The following HS3ST4 variants were observed in gnomAD, a reference collection of about 807,000 sequenced individuals.
HS3ST4 encodes heparan sulfate glucosamine 3-O-sulfotransferase 4.
A neutral mutation model predicts 29.2 loss-of-function variants in HS3ST4; 17 were observed. The ratio of observed to expected loss-of-function variants is 0.58; its 90% CI spans 0.40 to 0.87. HS3ST4 has a LOEUF of 0.87. HS3ST4 is among the 40% of genes least tolerant of loss of function. The probability of loss-of-function intolerance (pLI) is 0.00; values close to 1 mark genes in which losing one functional copy is unlikely to be tolerated. For missense variants in HS3ST4, 627 were observed against 634.5 expected (o/e 0.99, Z 0.13); for synonymous variants, 314 against 285.7 (o/e 1.10, Z -1.00).
intron 1 of HS3ST4, among the ~76,000 whole-genome samples, chr16:25,797,263 T>G (rs1966891829): frequency 6.6e-6 from 1 of 152,190 alleles, no homozygotes; most frequent in African/African-American, 2.4e-5. Context: ...TTCCCAAATA[T>G]TTCTATGTAT....
At chr16:25,805,861 C>T (rs1054366199) in intron 1 of HS3ST4, among the ~76,000 whole-genome samples, 10 of 152,048 alleles carry the variant, frequency 6.6e-5, no homozygotes, top group Non-Finnish European at 1.2e-4. Context: ...CCTCAGGACC[C>T]CACTCCCCGA....
intron 1 of HS3ST4, among the ~76,000 whole-genome samples, chr16:25,971,094 G>T (rs1968892611): frequency 6.6e-6 from 1 of 151,966 alleles, no homozygotes; most frequent in Non-Finnish European, 1.5e-5. Context: ...CAAGTGATTT[G>T]CCCACCTCGG....
intron 1 of HS3ST4, among the ~76,000 whole-genome samples, chr16:26,129,234 G>C (rs189520596): frequency 2.6e-5 from 4 of 152,356 alleles, no homozygotes; most frequent in Admixed American, 2.6e-4. Context: ...CCAGTGGCAA[G>C]TCAGGGATAG....
At chr16:25,845,062 G>A (rs976695189) in intron 1 of HS3ST4, among the ~76,000 whole-genome samples, 1 of 152,086 alleles carries the variant, frequency 6.6e-6, no homozygotes, top group African/African-American at 2.4e-5. Flanking sequence ...TGGGGTTGGG[G>A]AGGAAGAGCA....
chr16:25,931,843 C>T (rs2141687891), intron 1 of HS3ST4, among the ~76,000 whole-genome samples: 1 of 152,294 alleles, frequency 6.6e-6, no homozygotes, highest in South Asian at 2.1e-4. Context: ...GGGGGCTGCT[C>T]CTGCTATTCC....
At chr16:25,743,733 T>A (rs768331912) in intron 1 of HS3ST4, among the ~76,000 whole-genome samples, 7 of 152,188 alleles carry the variant, frequency 4.6e-5, no homozygotes, top group Non-Finnish European at 1.0e-4. Flanking sequence ...CTCGTACTCT[T>A]GGCCTCAAGT....
intron 1 of HS3ST4, among the ~76,000 whole-genome samples, chr16:25,837,330 G>A (rs1010434100): frequency 6.6e-6 from 1 of 152,250 alleles, no homozygotes; most frequent in South Asian, 2.1e-4. Context: ...TAGGCAAACC[G>A]GGATTATGTA....
At chr16:25,855,751 G>A (rs1034018055) in intron 1 of HS3ST4, among the ~76,000 whole-genome samples, 1 of 152,158 alleles carries the variant, frequency 6.6e-6, no homozygotes, top group African/African-American at 2.4e-5. Context: ...GTTTGTGTGT[G>A]TATGTTTAGT....
chr16:25,916,673 CTTTTTTTTT>C (rs34339195), intron 1 of HS3ST4, among the ~76,000 whole-genome samples: 5 of 92,162 alleles, frequency 5.4e-5, no homozygotes, highest in Non-Finnish European at 8.4e-5. Flanking sequence ...CAAATGCATT[CTTTTTTTTT>C]TTTTTTTTTT....
chr16:25,993,931 C>T (rs1450784168), intron 1 of HS3ST4, among the ~76,000 whole-genome samples: 1 of 147,488 alleles, frequency 6.8e-6, no homozygotes, highest in Non-Finnish European at 1.5e-5. Context: ...TTCCATCTTG[C>T]CTATGCTCAC....
At chr16:25,699,601 T>C (rs1188130351) in intron 1 of HS3ST4, among the ~76,000 whole-genome samples, 1 of 152,250 alleles carries the variant, frequency 6.6e-6, no homozygotes, top group African/African-American at 2.4e-5. Context: ...AGGTTACTTA[T>C]ATTAATCTCT....
intron 1 of HS3ST4, among the ~76,000 whole-genome samples, chr16:26,049,603 C>CCAAGCAAG (rs968968211): frequency 6.6e-6 from 1 of 151,804 alleles, no homozygotes; most frequent in Admixed American, 6.6e-5. Flanking sequence ...CCCCCACACA[C>CCAAGCAAG]CAAGCAAGCA....
intron 1 of HS3ST4, among the ~76,000 whole-genome samples, chr16:26,070,615 G>A (rs146659992): frequency 6.6e-6 from 1 of 152,256 alleles, no homozygotes; most frequent in African/African-American, 2.4e-5. Flanking sequence ...AACATCTCTT[G>A]GGTAATGTAA....
chr16:26,052,953 T>G (rs1005475101), intron 1 of HS3ST4, among the ~76,000 whole-genome samples: 1 of 152,258 alleles, frequency 6.6e-6, no homozygotes, highest in African/African-American at 2.4e-5. Flanking sequence ...ACTGTTCATC[T>G]TGCATAACAT....
At chr16:26,115,754 A>G (rs567724420) in intron 1 of HS3ST4, among the ~76,000 whole-genome samples, 1 of 152,080 alleles carries the variant, frequency 6.6e-6, no homozygotes, top group East Asian at 2.0e-4. Context: ...CATTCTATAG[A>G]CTTGGCAGAG....
intron 1 of HS3ST4, among the ~76,000 whole-genome samples, chr16:25,998,513 G>C (rs1969176709): frequency 6.6e-6 from 1 of 152,136 alleles, no homozygotes; most frequent in Non-Finnish European, 1.5e-5. Context: ...AAACTTTAGT[G>C]CTATATTTAG....
intron 1 of HS3ST4, among the ~76,000 whole-genome samples, chr16:25,930,704 C>G (rs1042983832): frequency 6.6e-6 from 1 of 152,142 alleles, no homozygotes; most frequent in African/African-American, 2.4e-5. Context: ...CATCCTCAGC[C>G]TGGTCCTCCT....
intron 1 of HS3ST4, among the ~76,000 whole-genome samples, chr16:25,904,144 ATGGATGGATGAATGGATGAATGGATGG>A: frequency 1.2e-5 from 1 of 86,776 alleles, no homozygotes; most frequent in Admixed American, 1.0e-4. Flanking sequence ...GGATGGATGG[ATGGATGGATGAATGGATGAATGGATGG>A]ATGGATGGAT....
chr16:25,759,151 G>C (rs1410305613), intron 1 of HS3ST4, among the ~76,000 whole-genome samples: 1 of 152,150 alleles, frequency 6.6e-6, no homozygotes, highest in African/African-American at 2.4e-5. Context: ...GAATGGAGGG[G>C]CTGCAGTCAT....
Sources: gnomAD v4.1 joint callset for allele counts (sites outside exome capture counted in the v4.1 genomes callset) on GRCh38, gnomAD v4.1.1 for gene constraint, MANE v1.5 for transcripts, NCBI Gene and HGNC (gene_info 2026-07-23, HGNC 2026-07-21) for gene names.